The following LPP variants were observed in gnomAD, a reference collection of about 807,000 sequenced individuals.
The protein encoded by LPP is LIM domain containing preferred translocation partner in lipoma, also known as lipoma-preferred partner.
LPP carries 38 observed loss-of-function variants against 60.4 expected under a neutral mutation model. That is an observed-to-expected ratio of 0.63 (90% CI 0.49 to 0.83). The LOEUF (loss-of-function observed/expected upper bound fraction) is 0.83, where lower values mean the gene tolerates loss of function less well. Among genes scored for constraint, LPP ranks in the 40% least tolerant of loss-of-function variants. The pLI is 0.00. For synonymous variants in LPP, 328 were observed against 290.8 expected (o/e 1.13, Z -1.30); for missense variants, 902 against 783.6 (o/e 1.15, Z -1.80).
rs140921158 is a variant in LPP, at chr3:188,552,311, A to G, written c.429+27524A>G. 1.5e-3 allele frequency among the ~76,000 whole-genome samples: 232 copies of G among 152,274 alleles called. 1 individual carries two copies. Among genetic ancestry groups the G allele is most frequent in the African/African-American group, 5.4e-3 (224 of 41,560 alleles). ...GTGTGCTGGGGTTGGGAGGGTAGTC[A>G]TATATTACTGATTTAACTGTCATCT... On this transcript the variant is annotated intron_variant, in intron 6 of 11. Transcript: ENST00000617246.
At chr3:188,178,987 C>A (rs1365972657) in intron 1 of LPP, 1 of 262,922 alleles carries the variant, frequency 3.8e-6, no homozygotes, top group Non-Finnish European at 7.3e-6. Context: ...AGAGAGAGAG[C>A]ACGACAAAGA....
At chr3:188,503,369 C>T (rs1170293708) in intron 5 of LPP, among the ~76,000 whole-genome samples, 2 of 151,974 alleles carry the variant, frequency 1.3e-5, no homozygotes, top group Non-Finnish European at 2.9e-5. Flanking sequence ...TTGGGCTTAC[C>T]AATCAAATTA....
intron 8 of LPP, among the ~76,000 whole-genome samples, chr3:188,755,083 C>T (rs1297192595): frequency 3.9e-5 from 6 of 152,070 alleles, no homozygotes; most frequent in South Asian, 4.1e-4. Flanking sequence ...CAGAATATAT[C>T]GAAGAATGTG....
At chr3:188,407,474 C>A (rs1387230727) in intron 4 of LPP, among the ~76,000 whole-genome samples, 2 of 152,200 alleles carry the variant, frequency 1.3e-5, no homozygotes, top group Non-Finnish European at 2.9e-5. Context: ...TAAGCTGCAG[C>A]TGTGGATCTT....
chr3:188,674,662 T>C (rs1857629508), intron 7 of LPP, among the ~76,000 whole-genome samples: 1 of 152,210 alleles, frequency 6.6e-6, no homozygotes, highest in East Asian at 1.9e-4. Flanking sequence ...CATTTTCTCA[T>C]TTAATCTTCA....
intron 1 of LPP, among the ~76,000 whole-genome samples, chr3:188,224,928 A>C (rs1260809275): frequency 1.3e-5 from 2 of 152,056 alleles, no homozygotes; most frequent in African/African-American, 4.8e-5. Context: ...AAATGATATC[A>C]AGGACGGCTT....
At chr3:188,207,246 T>C (rs1188705996) in intron 1 of LPP, among the ~76,000 whole-genome samples, 1 of 150,374 alleles carries the variant, frequency 6.7e-6, no homozygotes, top group East Asian at 1.9e-4. Context: ...TTTTTTTTTT[T>C]CTTGAGGTGG....
intron 9 of LPP, among the ~76,000 whole-genome samples, chr3:188,801,197 A>G (rs889522402): frequency 2.0e-5 from 3 of 152,324 alleles, no homozygotes; most frequent in East Asian, 3.9e-4. Flanking sequence ...ATTTTGTCAT[A>G]AAGTCATCTG....
intron 9 of LPP, among the ~76,000 whole-genome samples, chr3:188,779,516 A>T (rs1411764012): frequency 6.6e-6 from 1 of 151,972 alleles, no homozygotes; most frequent in Non-Finnish European, 1.5e-5. Context: ...TTTTGTGCCA[A>T]GTAACCACGT....
chr3:188,794,827 G>A (rs1312767212), intron 9 of LPP, among the ~76,000 whole-genome samples: 2 of 152,092 alleles, frequency 1.3e-5, no homozygotes, highest in African/African-American at 4.8e-5. Context: ...GTAGGAATGG[G>A]TAGCTAGCCG....
At chr3:188,236,691 C>T (rs1577451218) in intron 2 of LPP, among the ~76,000 whole-genome samples, 1 of 152,294 alleles carries the variant, frequency 6.6e-6, no homozygotes, top group East Asian at 1.9e-4. Flanking sequence ...TGTGAAATAG[C>T]ATTATGTCTA....
intron 2 of LPP, among the ~76,000 whole-genome samples, chr3:188,320,109 G>A (rs892155101): frequency 1.3e-5 from 2 of 152,210 alleles, no homozygotes; most frequent in African/African-American, 4.8e-5. Flanking sequence ...ATATCACAGC[G>A]TACATGATGT....
At chr3:188,493,722 G>A (rs751528952) in intron 5 of LPP, among the ~76,000 whole-genome samples, 14 of 152,130 alleles carry the variant, frequency 9.2e-5, no homozygotes, top group Non-Finnish European at 2.1e-4. Context: ...TGGGTTTACA[G>A]GTGTGAGCCA....
chr3:188,231,174 G>C (rs1272682527), intron 2 of LPP, among the ~76,000 whole-genome samples: 1 of 152,132 alleles, frequency 6.6e-6, no homozygotes, highest in African/African-American at 2.4e-5. Flanking sequence ...TACGAGAAGC[G>C]AGTCACTAGG....
intron 2 of LPP, among the ~76,000 whole-genome samples, chr3:188,264,301 AAGAG>A (rs1195354589): frequency 1.3e-5 from 2 of 151,170 alleles, no homozygotes; most frequent in African/African-American, 4.9e-5. Flanking sequence ...GGGAGAGAGA[AAGAG>A]AGAGAGAGAT....
intron 2 of LPP, among the ~76,000 whole-genome samples, chr3:188,281,191 C>T (rs1419245140): frequency 6.6e-6 from 1 of 152,056 alleles, no homozygotes; most frequent in East Asian, 1.9e-4. Context: ...TGTAGGAAGA[C>T]ATTTGAATTT....
chr3:188,192,481 T>G (rs1423468088), intron 1 of LPP, among the ~76,000 whole-genome samples: 1 of 152,188 alleles, frequency 6.6e-6, no homozygotes, highest in Non-Finnish European at 1.5e-5. Context: ...GATGAGACCA[T>G]TTTTATTTTT....
intron 2 of LPP, among the ~76,000 whole-genome samples, chr3:188,339,571 C>T (rs1362083427): frequency 5.9e-5 from 9 of 152,194 alleles, no homozygotes; most frequent in South Asian, 4.2e-4. Context: ...CTTCACAGGG[C>T]GGCAGGAAAG....
intron 4 of LPP, among the ~76,000 whole-genome samples, chr3:188,430,310 C>A (rs952750956): frequency 2.0e-5 from 3 of 152,012 alleles, no homozygotes; most frequent in African/African-American, 7.2e-5. Context: ...ATTTTTTTAA[C>A]AACTTTCCCT....
Sources: gnomAD v4.1 joint callset for allele counts (sites outside exome capture counted in the v4.1 genomes callset) on GRCh38, gnomAD v4.1.1 for gene constraint, MANE v1.5 for transcripts, NCBI Gene and HGNC (gene_info 2026-07-23, HGNC 2026-07-21) for gene names.